FBXW7: variants seen among roughly 807,000 people sequenced by gnomAD.
FBXW7 encodes F-box and WD repeat domain containing 7, also known as F-box/WD repeat-containing protein 7.
A neutral mutation model predicts 86.3 loss-of-function variants in FBXW7; 11 were observed. The ratio of observed to expected loss-of-function variants is 0.13; its 90% CI spans 0.08 to 0.21. The LOEUF is 0.21. Ranked by LOEUF, FBXW7 falls within the 10% of genes least tolerant of loss-of-function variation. FBXW7 has a pLI of 1.00. For synonymous variants in FBXW7, 313 were observed against 297.9 expected, an observed-to-expected ratio of 1.05 and a Z score of -0.52; for missense variants, 488 against 847.4, an observed-to-expected ratio of 0.58 and a Z score of 5.27.
intron 5 of FBXW7, chr4:152,348,814 A>G: frequency 2.1e-6 from 1 of 468,164 alleles, no homozygotes; most frequent in South Asian, 2.4e-5. Context: ...AATGAAGTGA[A>G]TAGTTTCACT....
At chr4:152,327,408 C>A (rs1417377371) in intron 11 of FBXW7, among the ~76,000 whole-genome samples, 1 of 152,010 alleles carries the variant, frequency 6.6e-6, no homozygotes, top group Non-Finnish European at 1.5e-5. Flanking sequence ...CTGTAAGGAC[C>A]TTTCAGAGAG....
At chr4:152,444,612 A>G (rs1451994239) in intron 2 of FBXW7, among the ~76,000 whole-genome samples, 2 of 152,224 alleles carry the variant, frequency 1.3e-5, no homozygotes, top group Admixed American at 6.5e-5. Flanking sequence ...TTGTAAACAA[A>G]TTCTTAAAGG....
intron 2 of FBXW7, among the ~76,000 whole-genome samples, chr4:152,433,750 T>A (rs1740119064): frequency 1.3e-5 from 2 of 152,124 alleles, no homozygotes; most frequent in African/African-American, 4.8e-5. Context: ...AACAGAAATA[T>A]CCATAACAAT....
chr4:152,421,739 A>C (rs531567729), intron 2 of FBXW7, among the ~76,000 whole-genome samples: 1 of 152,286 alleles, frequency 6.6e-6, no homozygotes, highest in African/African-American at 2.4e-5. Flanking sequence ...CTGTAGGGTT[A>C]TTAATTGGCA....
intron 2 of FBXW7, among the ~76,000 whole-genome samples, chr4:152,434,257 T>C (rs975104655): frequency 6.6e-6 from 1 of 152,228 alleles, no homozygotes; most frequent in Non-Finnish European, 1.5e-5. Context: ...ATTTATTGTC[T>C]GTGTATATAC....
intron 2 of FBXW7, among the ~76,000 whole-genome samples, chr4:152,441,650 A>T (rs1740902383): frequency 6.6e-6 from 1 of 152,222 alleles, no homozygotes; most frequent in Non-Finnish European, 1.5e-5. Flanking sequence ...CCAAGACTAT[A>T]TGGCAATTAT....
At chr4:152,371,363 A>T (rs1228444959) in intron 4 of FBXW7, among the ~76,000 whole-genome samples, 1 of 151,994 alleles carries the variant, frequency 6.6e-6, no homozygotes, top group Admixed American at 6.6e-5. Context: ...TAGAATTATT[A>T]AAAACACCAA....
intron 2 of FBXW7, among the ~76,000 whole-genome samples, chr4:152,450,372 G>C (rs538173871): frequency 3.3e-5 from 5 of 152,324 alleles, no homozygotes; most frequent in African/African-American, 7.2e-5. Context: ...CTGTGCTGCT[G>C]CTACACAGCT....
chr4:152,396,219 C>T (rs1374807311), intron 4 of FBXW7, among the ~76,000 whole-genome samples: 1 of 151,798 alleles, frequency 6.6e-6, no homozygotes. Flanking sequence ...TTTTCCAAAC[C>T]TCTGACTTCT....
chr4:152,531,813 AATTATT>A (rs2149750106), intron 2 of FBXW7, among the ~76,000 whole-genome samples: 1 of 152,084 alleles, frequency 6.6e-6, no homozygotes, highest in Non-Finnish European at 1.5e-5. Context: ...TTAACAATGA[AATTATT>A]ATTAAGTATA....
intron 2 of FBXW7, among the ~76,000 whole-genome samples, chr4:152,438,044 G>T (rs993756276): frequency 2.0e-5 from 3 of 151,858 alleles, no homozygotes; most frequent in Admixed American, 2.0e-4. Flanking sequence ...TGTGGTGGCG[G>T]GTGCCTGTAA....
At chr4:152,371,669 G>A (rs1208766516) in intron 4 of FBXW7, among the ~76,000 whole-genome samples, 1 of 152,020 alleles carries the variant, frequency 6.6e-6, no homozygotes, top group African/African-American at 2.4e-5. Context: ...CACACTGTAT[G>A]TTGGCACAAA....
At chr4:152,460,599 T>C (rs1398445076) in intron 2 of FBXW7, among the ~76,000 whole-genome samples, 1 of 152,236 alleles carries the variant, frequency 6.6e-6, no homozygotes, top group African/African-American at 2.4e-5. Flanking sequence ...TCTTATTTGA[T>C]AGCTTTTTGC....
intron 2 of FBXW7, among the ~76,000 whole-genome samples, chr4:152,523,368 G>A (rs1749193299): frequency 6.6e-6 from 1 of 151,862 alleles, no homozygotes; most frequent in East Asian, 1.9e-4. Flanking sequence ...ATAAATAAAG[G>A]GTAGAAAACA....
intron 2 of FBXW7, among the ~76,000 whole-genome samples, chr4:152,439,876 A>G (rs1484055008): frequency 6.6e-6 from 1 of 151,418 alleles, no homozygotes; most frequent in Non-Finnish European, 1.5e-5. Context: ...AAAAAAAAAA[A>G]AAAAAAAAAA....
chr4:152,327,730 T>C (rs533031835), intron 11 of FBXW7, among the ~76,000 whole-genome samples: 2 of 152,038 alleles, frequency 1.3e-5, no homozygotes, highest in South Asian at 4.1e-4. Flanking sequence ...GTTAGAAAGC[T>C]GTGACAATAG....
intron 6 of FBXW7, among the ~76,000 whole-genome samples, chr4:152,344,983 A>G (rs1483520214): frequency 6.6e-6 from 1 of 152,208 alleles, no homozygotes; most frequent in African/African-American, 2.4e-5. Flanking sequence ...TCTTATAAAA[A>G]TGATATGAAA....
intron 4 of FBXW7, among the ~76,000 whole-genome samples, chr4:152,355,295 GGTTT>G (rs1206915994): frequency 6.6e-6 from 1 of 151,680 alleles, no homozygotes; most frequent in Non-Finnish European, 1.5e-5. Flanking sequence ...AATTTTTATG[GGTTT>G]GTGTCTGTAT....
In FBXW7 at chr4:152,322,233, CA is replaced by C. The variant is rs1365362240; in HGVS notation, c.*647del. The C allele has an allele frequency of 4.6e-6, 1 of 215,448 alleles. No individual in the cohort carries two copies. Among genetic ancestry groups the C allele is most frequent in the African/African-American group, 2.4e-5 (1 of 41,572 alleles). The allele number at this position is 215,448 out of a possible 1,614,324, so 13.3% of individuals were successfully genotyped here. ...CCCAGGACAACTTGCCACCTTTGAG[CA>C]ACATATGCATTGAAGAATGTATATG... On this transcript the variant is annotated 3_prime_UTR_variant, in exon 14 of 14. Coordinates refer to ENST00000281708, the MANE Select transcript of FBXW7 (RefSeq NM_001349798.2).
Sources: gnomAD v4.1 joint callset for allele counts (sites outside exome capture counted in the v4.1 genomes callset) on GRCh38, gnomAD v4.1.1 for gene constraint, MANE v1.5 for transcripts, NCBI Gene and HGNC (gene_info 2026-07-23, HGNC 2026-07-21) for gene names.